Variants in PRUNE2 observed in about 807,000 individuals in gnomAD.
The protein encoded by PRUNE2 is protein prune homolog 2.
PRUNE2 carries 164 observed loss-of-function variants against 252.0 expected under a neutral mutation model. That is an observed-to-expected ratio of 0.65 (90% CI 0.57 to 0.74). The LOEUF is 0.74. PRUNE2 is among the 30% of genes least tolerant of loss of function. The pLI is 0.00. For missense variants in PRUNE2, 3,495 were observed against 3,711.0 expected, an observed-to-expected ratio of 0.94 and a Z score of 1.51; for synonymous variants, 1,292 against 1,350.2, an observed-to-expected ratio of 0.96 and a Z score of 0.94.
intron 3 of PRUNE2, among the ~76,000 whole-genome samples, chr9:76,847,125 G>A (rs1418407421): frequency 1.3e-5 from 2 of 152,070 alleles, no homozygotes; most frequent in East Asian, 1.9e-4. Context: ...AGGAGTTTAC[G>A]ACCAGCCTGG....
chr9:76,715,585 T>C (rs1161966630), intron 6 of PRUNE2, among the ~76,000 whole-genome samples: 1 of 152,242 alleles, frequency 6.6e-6, no homozygotes, highest in Non-Finnish European at 1.5e-5. Context: ...ATATAAGTCA[T>C]ATGCGTTTGG....
intron 1 of PRUNE2, among the ~76,000 whole-genome samples, chr9:76,857,754 A>G (rs1411682356): frequency 6.6e-6 from 1 of 152,328 alleles, no homozygotes; most frequent in Middle Eastern, 3.4e-3. Context: ...TTGGTTGTGC[A>G]AACAGAGCAA....
At chr9:76,854,956 T>C (rs141228544) in intron 1 of PRUNE2, among the ~76,000 whole-genome samples, 1,739 of 150,562 alleles carry the variant, frequency 0.012, 40 homozygotes, top group African/African-American at 0.041. Flanking sequence ...GTTCCAGCTA[T>C]TCAGGAGGCT....
chr9:76,726,587 A>G (rs1049457085), intron 6 of PRUNE2, among the ~76,000 whole-genome samples: 22 of 152,366 alleles, frequency 1.4e-4, no homozygotes, highest in East Asian at 5.8e-4. Context: ...TAAGGAGGGT[A>G]TTAAAAAGAG....
chr9:76,770,389 T>C (rs1278858453), intron 6 of PRUNE2, among the ~76,000 whole-genome samples: 1 of 152,182 alleles, frequency 6.6e-6, no homozygotes, highest in Non-Finnish European at 1.5e-5. Context: ...AAGTTTCTTT[T>C]TGAAAACACA....
chr9:76,672,008 A>C (rs1399427610), intron 9 of PRUNE2, among the ~76,000 whole-genome samples: 1 of 151,164 alleles, frequency 6.6e-6, no homozygotes, highest in African/African-American at 2.4e-5. Flanking sequence ...CGAGCAAAAT[A>C]ACCAGCTAAC....
chr9:76,743,499 T>C (rs2049835733), intron 6 of PRUNE2, among the ~76,000 whole-genome samples: 1 of 152,090 alleles, frequency 6.6e-6, no homozygotes, highest in African/African-American at 2.4e-5. Context: ...GGGACAGTCA[T>C]GTCCCAACCA....
At chr9:76,768,577 ATATGTATGTGTGTGTGTGTG>A (rs1251248793) in intron 6 of PRUNE2, among the ~76,000 whole-genome samples, 5 of 98,072 alleles carry the variant, frequency 5.1e-5, no homozygotes, top group South Asian at 9.1e-4. Flanking sequence ...ATATATATGT[ATATGTATGTGTGTGTGTGTG>A]TGTGTGTGTG....
At chr9:76,649,643 T>TAGATAGATAGATAGAC (rs1276301453) in intron 11 of PRUNE2, among the ~76,000 whole-genome samples, 2 of 150,636 alleles carry the variant, frequency 1.3e-5, no homozygotes, top group African/African-American at 5.0e-5. Flanking sequence ...GATAGATAGA[T>TAGATAGATAGATAGAC]AGAATAGGCT....
intron 9 of PRUNE2, among the ~76,000 whole-genome samples, chr9:76,670,696 T>G (rs1490758168): frequency 4.6e-5 from 7 of 152,084 alleles, no homozygotes; most frequent in Admixed American, 2.0e-4. Context: ...AGCACGCAGC[T>G]GGAGATCTGA....
At chr9:76,620,140 ATT>A (rs59150159) in intron 17 of PRUNE2, among the ~76,000 whole-genome samples, 324 of 127,094 alleles carry the variant, frequency 2.5e-3, no homozygotes, top group Middle Eastern at 0.016. Flanking sequence ...CCCTCCCATA[ATT>A]TTTTTTTTTT....
chr9:76,626,298 C>T (rs1834729339), intron 16 of PRUNE2, among the ~76,000 whole-genome samples: 1 of 152,090 alleles, frequency 6.6e-6, no homozygotes, highest in Non-Finnish European at 1.5e-5. Flanking sequence ...TCATTTAAGC[C>T]CTTTGATGAC....
intron 6 of PRUNE2, chr9:76,758,560 C>A (rs116792660): frequency 4.0e-5 from 6 of 151,100 alleles, no homozygotes; most frequent in Non-Finnish European, 7.4e-5. Context: ...AGTGCAGCAC[C>A]GTGATACTAG....
intron 13 of PRUNE2, 51 bp from the exon 14 acceptor site, chr9:76,637,600 A>T: frequency 6.5e-7 from 1 of 1,534,782 alleles, no homozygotes; most frequent in Non-Finnish European, 8.9e-7. Flanking sequence ...TCCTATTGAC[A>T]CCATAATTAC....
At chr9:76,849,046 C>T (rs2059814204) in intron 3 of PRUNE2, among the ~76,000 whole-genome samples, 1 of 152,108 alleles carries the variant, frequency 6.6e-6, no homozygotes, top group Non-Finnish European at 1.5e-5. Context: ...GTAGCTGGGA[C>T]CACAGGTACA....
At chr9:76,897,413 T>A (rs2062898735) in intron 1 of PRUNE2, among the ~76,000 whole-genome samples, 1 of 123,760 alleles carries the variant, frequency 8.1e-6, no homozygotes, top group South Asian at 3.0e-4. Context: ...TTTTTTTTTT[T>A]TTTTTTTTTT....
chr9:76,618,116 T>TA (rs1334268933), intron 18 of PRUNE2, among the ~76,000 whole-genome samples: 1 of 152,228 alleles, frequency 6.6e-6, no homozygotes, highest in Admixed American at 6.5e-5. Flanking sequence ...GTTCTTTTTT[T>TA]AAAATTTTAT....
At chr9:76,843,564 C>G (rs999781859) in intron 4 of PRUNE2, among the ~76,000 whole-genome samples, 3 of 152,048 alleles carry the variant, frequency 2.0e-5, no homozygotes, top group Non-Finnish European at 2.9e-5. Flanking sequence ...TAAAGAGAAC[C>G]CTTTCTAAAG....
intron 16 of PRUNE2, among the ~76,000 whole-genome samples, chr9:76,626,742 C>A (rs1834964071): frequency 6.6e-6 from 1 of 152,212 alleles, no homozygotes; most frequent in Non-Finnish European, 1.5e-5. Flanking sequence ...ATTGCGAACT[C>A]TGTGCTGGGA....
Sources: allele counts gnomAD v4.1 joint callset (sites outside exome capture counted in the v4.1 genomes callset), GRCh38; gene constraint gnomAD v4.1.1; transcripts MANE v1.5; gene names NCBI Gene and HGNC (gene_info 2026-07-23, HGNC 2026-07-21).